Variants in TRPM1 observed in about 807,000 individuals in gnomAD.
TRPM1 encodes the protein transient receptor potential cation channel subfamily M member 1.
Under a neutral mutation model 149.4 loss-of-function variants are expected in TRPM1, and 113 were observed. The observed-to-expected ratio is 0.76, with a 90% CI of 0.65 to 0.88. TRPM1 has a LOEUF of 0.88. Ranked by LOEUF, TRPM1 falls within the 40% of genes least tolerant of loss-of-function variation. The pLI is 0.00. For missense variants in TRPM1, 1,976 were observed against 2,038.7 expected (o/e 0.97, Z 0.59); for synonymous variants, 741 against 759.5 (o/e 0.98, Z 0.40).
chr15:31,054,738 G>A (rs115426935), intron 11 of TRPM1, among the ~76,000 whole-genome samples: 2,316 of 152,176 alleles, frequency 0.015, 62 homozygotes, highest in African/African-American at 0.051. Flanking sequence ...ATTGTGGAAC[G>A]ATGAAGCTAA....
At chr15:31,093,239 C>T (rs112304295) in intron 1 of TRPM1, among the ~76,000 whole-genome samples, 18,130 of 118,104 alleles carry the variant, frequency 0.15, 1,315 homozygotes, top group African/African-American at 0.22. Context: ...CCAGCCTGGG[C>T]GACAGAGTGA....
intron 1 of TRPM1, among the ~76,000 whole-genome samples, chr15:31,084,526 G>A (rs999823398): frequency 6.6e-6 from 1 of 152,088 alleles, no homozygotes; most frequent in Non-Finnish European, 1.5e-5. Flanking sequence ...TCCAGGTAGC[G>A]CAGATCAGGA....
intron 23 of TRPM1, among the ~76,000 whole-genome samples, 182 bp downstream of exon 23, chr15:31,030,801 C>T (rs1259818831): frequency 6.6e-6 from 1 of 152,216 alleles, no homozygotes; most frequent in Non-Finnish European, 1.5e-5. Context: ...AAAGAAATGA[C>T]TGATGTCTGA....
In TRPM1 at chr15:31,145,268, GACA is replaced by G. The variant is rs1313800359; in HGVS notation, c.54+15635_54+15637del. Among the ~76,000 whole-genome samples, 4 of 152,170 alleles carry G rather than the reference GACA, an allele frequency of 2.6e-5. No individual in the cohort carries two copies. In the East Asian group the frequency reaches 7.7e-4, roughly 29 times the overall value. Reference sequence around the variant, plus strand: ...CAGAGACGTTCAAACTGGAAGCCAGGACAACAAGATGCTGACTTAAAGCTGTGG... The same window carrying G: ...CAGAGACGTTCAAACTGGAAGCCAGGACAAGATGCTGACTTAAAGCTGTGG... On this transcript the variant is annotated intron_variant, in intron 1 of 26. Transcript: ENST00000542188.
At chr15:31,113,608 A>G (rs1373166147) in intron 1 of TRPM1, among the ~76,000 whole-genome samples, 1 of 152,152 alleles carries the variant, frequency 6.6e-6, no homozygotes, top group Admixed American at 6.5e-5. Flanking sequence ...ACACAAGTAA[A>G]CTTGTGTCAT....
intron 1 of TRPM1, among the ~76,000 whole-genome samples, chr15:31,111,420 A>C (rs1405950051): frequency 6.6e-6 from 1 of 152,200 alleles, no homozygotes; most frequent in African/African-American, 2.4e-5. Context: ...GTGATGGCAA[A>C]ATTCCCAAAA....
At position 31,140,334 on chromosome 15, in the gene TRPM1, G is replaced by A. The variant is rs1294040808; in HGVS notation, c.54+20572C>T. Among the ~76,000 whole-genome samples the A allele has an allele frequency of 6.6e-5, 10 of 151,936 alleles. No individual in the cohort carries two copies. In the East Asian group the frequency reaches 9.7e-4, roughly 15 times the overall value. ...GCGGAGCTTGCAGTGAGCCGAGATCGTGCCACTGCACTGCAGCCTGGGCGA... is the reference window on the plus strand; with the variant it reads ...GCGGAGCTTGCAGTGAGCCGAGATCATGCCACTGCACTGCAGCCTGGGCGA... On this transcript the variant is annotated intron_variant, in intron 1 of 26. Transcript: ENST00000542188.
At chr15:31,142,739 G>A (rs56292023) in intron 1 of TRPM1, among the ~76,000 whole-genome samples, 2 of 151,896 alleles carry the variant, frequency 1.3e-5, no homozygotes, top group Non-Finnish European at 2.9e-5. Context: ...CTAACTTTTG[G>A]ACACTCCAGA....
At chr15:31,137,355 G>A (rs1426080692) in intron 1 of TRPM1, among the ~76,000 whole-genome samples, 1 of 152,214 alleles carries the variant, frequency 6.6e-6, no homozygotes, top group Non-Finnish European at 1.5e-5. Flanking sequence ...CTTCTGATAT[G>A]CCTGCCTTTT....
At chr15:31,156,878 A>G (rs756110608) in intron 1 of TRPM1, among the ~76,000 whole-genome samples, 8 of 151,780 alleles carry the variant, frequency 5.3e-5, no homozygotes, top group Non-Finnish European at 8.8e-5. Context: ...GTATGTATTT[A>G]TTTTGGATTT....
rs58872566 is a variant in TRPM1 at position 31,087,231 on chromosome 15, ATTTTTTTTTTTTTT to A, written c.-83-5807_-83-5794del. On this transcript the variant is annotated intron_variant, in intron 1 of 27. Coordinates refer to ENST00000256552, the MANE Select transcript of TRPM1 (RefSeq NM_001252024.2). ...AGCAGTTAAGCAGGTCTCAATAGGG[ATTTTTTTTTTTTTT>A]TTTTTTTTTTTTTTTTTGAGACGGA... 6.5e-3 allele frequency among the ~76,000 whole-genome samples: 387 copies of A among 59,484 alleles called. 7 individuals are homozygous for A. Among genetic ancestry groups the A allele is most frequent in the African/African-American group, 0.024 (343 of 14,084 alleles). 39.0% of individuals were successfully genotyped at this position (59,484 alleles called of 152,430 possible). A position where few individuals can be genotyped will look rare whatever the true frequency, so the allele number is the denominator to read the frequency against.
intron 1 of TRPM1, among the ~76,000 whole-genome samples, chr15:31,151,825 C>T (rs889931840): frequency 2.6e-5 from 4 of 152,238 alleles, no homozygotes; most frequent in African/African-American, 9.6e-5. Flanking sequence ...TGACCCTGGT[C>T]CTGGCCCATT....
rs555314155 is a variant in TRPM1 at position 31,050,892 on chromosome 15, C to T, written c.1264-310G>A. Among the ~76,000 whole-genome samples, 5 of 152,252 alleles carry T rather than the reference C, an allele frequency of 3.3e-5. No homozygotes were observed. In the East Asian group the frequency reaches 9.7e-4, roughly 29 times the overall value. On this transcript the variant is annotated intron_variant, in intron 11 of 27. Transcript: ENST00000256552. ...TGACTTGATGCAGCGACTTTGCATACTTAAAGTGGCTGACATTTTGATCCA... is the reference window on the plus strand; with the variant it reads ...TGACTTGATGCAGCGACTTTGCATATTTAAAGTGGCTGACATTTTGATCCA...
rs769241120 is a variant in TRPM1 at position 31,026,192 on chromosome 15, C to CA, written c.3575_3576insT (p.Lys1192AsnfsTer4). On this transcript the variant is annotated frameshift_variant, in exon 27 of 28. Coordinates refer to ENST00000256552, the MANE Select transcript of TRPM1 (RefSeq NM_001252024.2). LOFTEE classifies it high-confidence loss of function. ...CGCTGGACGACTGCTGCTCATCCTC[C>CA]TTCTCCCGGAAGTGCTCCTGCACGC... The CA allele has an allele frequency of 6.2e-7, 1 of 1,612,522 alleles. No homozygotes were observed. The highest frequency in any genetic ancestry group is 8.5e-7 in the Non-Finnish European group (1 of 1,180,032).
intron 1 of TRPM1, among the ~76,000 whole-genome samples, chr15:31,107,657 T>G (rs959819671): frequency 6.6e-6 from 1 of 152,180 alleles, no homozygotes; most frequent in East Asian, 1.9e-4. Flanking sequence ...GGTTATTTAT[T>G]TGAGATCTTT....
At chr15:31,013,524 T>C (rs1462479354) in intron 27 of TRPM1, among the ~76,000 whole-genome samples, 2 of 152,168 alleles carry the variant, frequency 1.3e-5, no homozygotes, top group Non-Finnish European at 2.9e-5. Flanking sequence ...CTAAAACATC[T>C]AATATCCAGG....
intron 1 of TRPM1, among the ~76,000 whole-genome samples, chr15:31,154,232 GA>G (rs1395424128): frequency 6.6e-6 from 1 of 152,210 alleles, no homozygotes; most frequent in Non-Finnish European, 1.5e-5. Flanking sequence ...TCAATGGATT[GA>G]AAAATTTAGC....
chr15:31,053,287 G>C (rs756673262), intron 11 of TRPM1, among the ~76,000 whole-genome samples: 1 of 151,884 alleles, frequency 6.6e-6, no homozygotes, highest in Non-Finnish European at 1.5e-5. Flanking sequence ...TTTTGCTCTT[G>C]TTGCCCAGGC....
chr15:31,092,726 C>T (rs991856423), intron 1 of TRPM1, among the ~76,000 whole-genome samples: 3 of 152,120 alleles, frequency 2.0e-5, no homozygotes, highest in African/African-American at 7.2e-5. Flanking sequence ...AACACAGAGC[C>T]GTCTAGATGC....
Sources: allele counts gnomAD v4.1 joint callset (sites outside exome capture counted in the v4.1 genomes callset), GRCh38; gene constraint gnomAD v4.1.1; transcripts MANE v1.5; gene names NCBI Gene and HGNC (gene_info 2026-07-23, HGNC 2026-07-21).